The following PAPPA variants were observed in gnomAD, a reference collection of about 807,000 sequenced individuals.
PAPPA encodes pappalysin-1.
PAPPA carries 60 observed loss-of-function variants against 164.0 expected under a neutral mutation model. The ratio of observed to expected loss-of-function variants is 0.37; its 90% CI spans 0.30 to 0.45. PAPPA has a LOEUF of 0.45. Among genes scored for constraint, PAPPA ranks in the 20% least tolerant of loss-of-function variants. The probability of loss-of-function intolerance (pLI) is 1.00; values close to 1 mark genes in which losing one functional copy is unlikely to be tolerated. For synonymous variants in PAPPA, 875 were observed against 814.1 expected (o/e 1.07, Z -1.27); for missense variants, 1,782 against 2,087.3 (o/e 0.85, Z 2.85).
chr9:116,225,522 T>G (rs963020849), intron 5 of PAPPA, among the ~76,000 whole-genome samples: 4 of 152,238 alleles, frequency 2.6e-5, no homozygotes, highest in Non-Finnish European at 5.9e-5. Flanking sequence ...GATTTAGCTT[T>G]GGATGTTACT....
At chr9:116,228,736 C>A (rs2118726737) in intron 6 of PAPPA, among the ~76,000 whole-genome samples, 1 of 152,274 alleles carries the variant, frequency 6.6e-6, no homozygotes, top group South Asian at 2.1e-4. Context: ...TGCCTGGGGT[C>A]ATCTGGCCCG....
chr9:116,180,059 C>G (rs564381963), intron 1 of PAPPA, among the ~76,000 whole-genome samples: 1 of 152,074 alleles, frequency 6.6e-6, no homozygotes, highest in East Asian at 1.9e-4. Flanking sequence ...CTGCCTTTTA[C>G]CCTGCCCCAC....
chr9:116,169,610 G>T (rs1055945218), intron 1 of PAPPA, among the ~76,000 whole-genome samples: 1 of 151,694 alleles, frequency 6.6e-6, no homozygotes, highest in Non-Finnish European at 1.5e-5. Flanking sequence ...ATGAGCCACC[G>T]CACCTAACCT....
Position 116,160,607 on chromosome 9 carries a change from G to A in PAPPA, c.415+6020G>A, listed in dbSNP as rs571874513. Among the ~76,000 whole-genome samples the A allele has an allele frequency of 6.6e-5, 10 of 152,306 alleles. No individual in the cohort carries two copies. The South Asian group carries it at 2.1e-3, about 32-fold the overall frequency. The stretch of plus-strand genomic sequence containing the variant: ...GAAGAGAAAATCTCCAGGTACTAGA[G>A]GACTCCCTCTATGGGCAACTTGTAT... On this transcript the variant is annotated intron_variant, in intron 1 of 21. Coordinates refer to ENST00000328252, the MANE Select transcript of PAPPA (RefSeq NM_002581.5).
At chr9:116,348,024 A>G (rs1846234026) in intron 15 of PAPPA, among the ~76,000 whole-genome samples, 1 of 152,146 alleles carries the variant, frequency 6.6e-6, no homozygotes, top group Non-Finnish European at 1.5e-5. Flanking sequence ...GCTAATAATA[A>G]TACTTAATCA....
chr9:116,346,151 TC>T (rs1846206477), intron 14 of PAPPA, among the ~76,000 whole-genome samples: 1 of 152,102 alleles, frequency 6.6e-6, no homozygotes, highest in Non-Finnish European at 1.5e-5. Context: ...GCTTTTAAAA[TC>T]CCAGATCAAC....
chr9:116,298,600 A>G (rs1159254770), intron 9 of PAPPA, among the ~76,000 whole-genome samples: 2 of 152,232 alleles, frequency 1.3e-5, no homozygotes, highest in Non-Finnish European at 2.9e-5. Flanking sequence ...GTCTAAAGAA[A>G]ATAGTCAAAG....
intron 7 of PAPPA, among the ~76,000 whole-genome samples, chr9:116,237,968 C>G (rs1844690756): frequency 6.6e-6 from 1 of 152,026 alleles, no homozygotes; most frequent in Admixed American, 6.6e-5. Context: ...ATCTGCCTAC[C>G]TCAGCCTCCC....
chr9:116,370,750 A>G (rs898012268), intron 19 of PAPPA, among the ~76,000 whole-genome samples: 4 of 152,234 alleles, frequency 2.6e-5, no homozygotes, highest in African/African-American at 9.6e-5. Context: ...ATGAAGAGAA[A>G]GATGACTGCT....
chr9:116,368,672 C>T (rs1198066673), intron 19 of PAPPA, among the ~76,000 whole-genome samples: 1 of 152,210 alleles, frequency 6.6e-6, no homozygotes, highest in African/African-American at 2.4e-5. Context: ...GGCACTGGCT[C>T]TTCACCCTGG....
At chr9:116,310,602 C>A (rs2118906111) in intron 10 of PAPPA, among the ~76,000 whole-genome samples, 1 of 152,270 alleles carries the variant, frequency 6.6e-6, no homozygotes, top group East Asian at 1.9e-4. Context: ...TCTACTGAAT[C>A]TTATGGGGCC....
chr9:116,388,372 A>G (rs929833000), intron 21 of PAPPA, among the ~76,000 whole-genome samples: 1 of 152,206 alleles, frequency 6.6e-6, no homozygotes, highest in African/African-American at 2.4e-5. Context: ...TTCAATTTAT[A>G]ATTGGAATCA....
chr9:116,212,542 A>C (rs924584898), intron 4 of PAPPA, among the ~76,000 whole-genome samples: 1 of 152,180 alleles, frequency 6.6e-6, no homozygotes, highest in Non-Finnish European at 1.5e-5. Context: ...TGTGTTAGTC[A>C]CAATGCACAC....
chr9:116,224,091 G>C (rs78552646), intron 5 of PAPPA, among the ~76,000 whole-genome samples: 1,962 of 152,046 alleles, frequency 0.013, 17 homozygotes, highest in Non-Finnish European at 0.019. Flanking sequence ...CCAACCTCTC[G>C]CCCCTGGCCA....
intron 16 of PAPPA, 78 bp downstream of exon 16, chr9:116,352,994 C>A: frequency 2.9e-6 from 3 of 1,041,268 alleles, no homozygotes; most frequent in Non-Finnish European, 4.4e-6. Flanking sequence ...TGGACGGAAG[C>A]ACTCATTTCT....
chr9:116,167,947 C>T (rs1843734582), intron 1 of PAPPA, among the ~76,000 whole-genome samples: 1 of 152,114 alleles, frequency 6.6e-6, no homozygotes, highest in Non-Finnish European at 1.5e-5. Flanking sequence ...TTAAGCTAAG[C>T]TAAGTGAGTA....
Position 116,362,845 on chromosome 9 carries a change from C to A in PAPPA, c.4495+106C>A, listed in dbSNP as rs998110360. ...AACACCCTGGCCACATGAGTTCCTGCGTAGGCACTACAGAAAGAGAGATGA... is the reference window on the plus strand; with the variant it reads ...AACACCCTGGCCACATGAGTTCCTGAGTAGGCACTACAGAAAGAGAGATGA... On this transcript the variant is annotated intron_variant, in intron 18 of 21. Coordinates refer to ENST00000328252, the MANE Select transcript of PAPPA (RefSeq NM_002581.5). 3.3e-5 allele frequency: 34 copies of A among 1,046,036 alleles called. 1 individual carries two copies. The highest frequency in any genetic ancestry group is 4.3e-5 in the Non-Finnish European group (31 of 727,102). 64.8% of individuals were successfully genotyped at this position (1,046,036 alleles called of 1,614,324 possible). A position where few individuals can be genotyped will look rare whatever the true frequency, so the allele number is the denominator to read the frequency against.
At chr9:116,159,679 T>G (rs960051283) in intron 1 of PAPPA, among the ~76,000 whole-genome samples, 2 of 152,194 alleles carry the variant, frequency 1.3e-5, no homozygotes, top group Admixed American at 1.3e-4. Context: ...TCACCTTCCG[T>G]TGAGCTGCCA....
chr9:116,184,738 A>G (rs956303323), intron 1 of PAPPA, among the ~76,000 whole-genome samples: 1 of 152,218 alleles, frequency 6.6e-6, no homozygotes, highest in Admixed American at 6.5e-5. Context: ...CTACTTTACC[A>G]AGAATACATT....
Sources: gnomAD v4.1 joint callset for allele counts (sites outside exome capture counted in the v4.1 genomes callset) on GRCh38, gnomAD v4.1.1 for gene constraint, MANE v1.5 for transcripts, NCBI Gene and HGNC (gene_info 2026-07-23, HGNC 2026-07-21) for gene names.